The following SOX5 variants were observed in gnomAD, a reference collection of about 807,000 sequenced individuals.
SOX5 encodes the protein SRY-box transcription factor 5.
SOX5 carries 9 observed loss-of-function variants against 92.0 expected under a neutral mutation model. The observed-to-expected ratio is 0.10, with a 90% CI of 0.06 to 0.17. SOX5 has a LOEUF of 0.17. Among genes scored for constraint, SOX5 ranks in the 10% least tolerant of loss-of-function variants. The pLI, the probability that SOX5 is intolerant of heterozygous loss-of-function variation, is 1.00. For synonymous variants in SOX5, 344 were observed against 336.3 expected (o/e 1.02, Z -0.25); for missense variants, 642 against 944.5 (o/e 0.68, Z 4.20).
At chr12:23,801,528 TAC>T (rs2142161022) in intron 3 of SOX5, among the ~76,000 whole-genome samples, 1 of 152,332 alleles carries the variant, frequency 6.6e-6, no homozygotes, top group Admixed American at 6.5e-5. Flanking sequence ...TCCTTTTACG[TAC>T]ATTTTGTGAG....
intron 1 of SOX5, among the ~76,000 whole-genome samples, chr12:24,388,801 T>A (rs751725446): frequency 6.6e-6 from 1 of 152,118 alleles, no homozygotes; most frequent in Non-Finnish European, 1.5e-5. Context: ...TAGCCATGAA[T>A]GTACTTTCTG....
intron 1 of SOX5, among the ~76,000 whole-genome samples, chr12:24,534,913 ACTCTC>A (rs1951505169): frequency 6.6e-6 from 1 of 152,152 alleles, no homozygotes; most frequent in Non-Finnish European, 1.5e-5. Context: ...AAAACCCTGC[ACTCTC>A]AGAAAACATG....
In SOX5 at chr12:23,765,385, C is replaced by CAAAAAAAAA. The variant is rs373571301; in HGVS notation, c.482-9670_482-9662dup. ...CTGTGAAGTCAAAAGTGTAAAACAG[C>CAAAAAAAAA]AAAAAAAAAAAAAAAAAAAAAAAAA... On this transcript the variant is annotated intron_variant, in intron 3 of 14. Transcript: ENST00000451604. Among the ~76,000 whole-genome samples, 24 of 31,430 alleles carry CAAAAAAAAA rather than the reference C, an allele frequency of 7.6e-4. 7 individuals are homozygous for CAAAAAAAAA. The highest frequency in any genetic ancestry group is 1.3e-3 in the African/African-American group (9 of 6,804). 20.6% of individuals were successfully genotyped at this position (31,430 alleles called of 152,430 possible).
intron 1 of SOX5, among the ~76,000 whole-genome samples, chr12:24,376,735 G>T (rs1957318825): frequency 2.6e-5 from 1 of 38,214 alleles, no homozygotes; most frequent in East Asian, 5.9e-4. Flanking sequence ...TTTTTACAGA[G>T]TCTCACTGTC....
intron 4 of SOX5, among the ~76,000 whole-genome samples, chr12:24,073,665 G>A (rs1275201863): frequency 7.9e-5 from 12 of 152,068 alleles, no homozygotes; most frequent in Non-Finnish European, 1.8e-4. Context: ...GGACCCTGAA[G>A]GACCATTTAT....
rs60916404 is a variant in SOX5 at position 23,777,917 on chromosome 12, G to GT, written c.482-22194_482-22193insA. On this transcript the variant is annotated intron_variant, in intron 3 of 14. Transcript: ENST00000451604. The stretch of plus-strand genomic sequence containing the variant: ...GTCTCAGTTCTAGCATGGCTCTCAT[G>GT]GTTTGAGCATCTCACTGTGCCAAGA... 1.2e-4 allele frequency among the ~76,000 whole-genome samples: 18 copies of GT among 152,262 alleles called. No homozygotes were observed. In the East Asian group the frequency reaches 3.5e-3, roughly 29 times the overall value.
chr12:24,405,112 G>C (rs985276380), intron 1 of SOX5, among the ~76,000 whole-genome samples: 1 of 152,040 alleles, frequency 6.6e-6, no homozygotes, highest in Non-Finnish European at 1.5e-5. Context: ...TGGAACTGTG[G>C]GACGATCAAT....
intron 1 of SOX5, among the ~76,000 whole-genome samples, chr12:24,440,093 TGAG>T (rs1940229661): frequency 2.0e-5 from 3 of 152,158 alleles, no homozygotes; most frequent in African/African-American, 7.2e-5. Flanking sequence ...AAGTGAAGAA[TGAG>T]GAGAAGGGGG....
At chr12:23,818,998 G>A (rs1010516651) in intron 3 of SOX5, among the ~76,000 whole-genome samples, 5 of 151,990 alleles carry the variant, frequency 3.3e-5, no homozygotes, top group African/African-American at 1.2e-4. Context: ...ATATGCCTGA[G>A]GTTGTTTTAC....
At chr12:24,042,426 A>T (rs1384743427) in intron 4 of SOX5, among the ~76,000 whole-genome samples, 1 of 152,148 alleles carries the variant, frequency 6.6e-6, no homozygotes, top group African/African-American at 2.4e-5. Context: ...CTAGAGTTCA[A>T]TAATGTATCA....
intron 6 of SOX5, among the ~76,000 whole-genome samples, chr12:23,727,932 G>A (rs1464110828): frequency 5.9e-5 from 9 of 152,178 alleles, no homozygotes; most frequent in East Asian, 5.8e-4. Context: ...CTGTCAATCC[G>A]TATGTCTGTC....
intron 4 of SOX5, among the ~76,000 whole-genome samples, chr12:24,209,973 C>G (rs112622125): frequency 0.11 from 14,455 of 135,492 alleles, 1,011 homozygotes; most frequent in East Asian, 0.3. Flanking sequence ...AGCCGAGATC[C>G]CGCCACTGCA....
At chr12:23,908,923 T>C (rs2097321991) in intron 1 of SOX5, among the ~76,000 whole-genome samples, 1 of 152,178 alleles carries the variant, frequency 6.6e-6, no homozygotes, top group African/African-American at 2.4e-5. Context: ...ACTGTTTATC[T>C]TCTTTCCCCA....
chr12:23,758,863 C>T (rs1001030149), intron 3 of SOX5, among the ~76,000 whole-genome samples: 2 of 151,976 alleles, frequency 1.3e-5, no homozygotes, highest in African/African-American at 4.8e-5. Context: ...TATTCTTCTG[C>T]TTTCCACCAT....
At chr12:24,125,450 C>T (rs1435303624) in intron 4 of SOX5, among the ~76,000 whole-genome samples, 1 of 152,144 alleles carries the variant, frequency 6.6e-6, no homozygotes, top group Non-Finnish European at 1.5e-5. Flanking sequence ...GGCCTTATGA[C>T]ATCTGTGGTA....
At chr12:23,872,159 G>A (rs1374399182) in intron 2 of SOX5, among the ~76,000 whole-genome samples, 3 of 111,608 alleles carry the variant, frequency 2.7e-5, no homozygotes, top group South Asian at 5.9e-4. Flanking sequence ...CACCACGCCC[G>A]GCTAATTTTT....
At chr12:24,213,031 C>G (rs569058709) in intron 4 of SOX5, among the ~76,000 whole-genome samples, 56 of 151,964 alleles carry the variant, frequency 3.7e-4, no homozygotes, top group Non-Finnish European at 6.3e-4. Flanking sequence ...AAGGGAAAGT[C>G]ATTAAGAAGT....
At chr12:23,754,213 AG>A (rs112389198) in intron 4 of SOX5, among the ~76,000 whole-genome samples, 3,424 of 151,830 alleles carry the variant, frequency 0.023, 123 homozygotes, top group African/African-American at 0.078. Context: ...AAAACGAGGG[AG>A]GGGAAAAAAC....
intron 1 of SOX5, among the ~76,000 whole-genome samples, chr12:24,554,478 C>T (rs1953557943): frequency 6.6e-6 from 1 of 152,128 alleles, no homozygotes; most frequent in African/African-American, 2.4e-5. Flanking sequence ...AGTAAGCAGT[C>T]CTTATCCTGG....
Sources: gnomAD v4.1 joint callset for allele counts (sites outside exome capture counted in the v4.1 genomes callset) on GRCh38, gnomAD v4.1.1 for gene constraint, MANE v1.5 for transcripts, NCBI Gene and HGNC (gene_info 2026-07-23, HGNC 2026-07-21) for gene names.